Variants in PVT1 observed in about 807,000 individuals in gnomAD.
PVT1 encodes the protein CXCR4/PVT1 fusion.
chr8:127,903,773 C>T (rs1184323446), intron 3 of PVT1, among the ~76,000 whole-genome samples: 2 of 152,094 alleles, frequency 1.3e-5, no homozygotes, highest in South Asian at 2.1e-4. Context: ...TATTCTGTTC[C>T]GTTGGTCTGT....
chr8:127,798,148 C>CA (rs767736613), intron 2 of PVT1, among the ~76,000 whole-genome samples: 26 of 151,694 alleles, frequency 1.7e-4, no homozygotes, highest in Non-Finnish European at 2.8e-4. Context: ...ACTACAAATA[C>CA]AAAAAATTAG....
At chr8:127,905,830 C>T (rs190920129) in intron 3 of PVT1, among the ~76,000 whole-genome samples, 62 of 152,320 alleles carry the variant, frequency 4.1e-4, no homozygotes, top group Non-Finnish European at 8.8e-5. Flanking sequence ...TGCAAGAGTG[C>T]ACTGGCTTTC....
intron 5 of PVT1, among the ~76,000 whole-genome samples, chr8:128,073,961 G>T (rs1200006821): frequency 6.6e-6 from 1 of 152,080 alleles, no homozygotes; most frequent in Non-Finnish European, 1.5e-5. Flanking sequence ...GCCCTCCTGG[G>T]ATGGAAGGTG....
intron 4 of PVT1, among the ~76,000 whole-genome samples, chr8:128,038,947 A>T (rs1277481983): frequency 6.6e-6 from 1 of 152,130 alleles, no homozygotes; most frequent in Admixed American, 6.5e-5. Flanking sequence ...ATAACACAGA[A>T]GGGACCTTGC....
At chr8:128,021,365 C>G (rs948886120) in intron 4 of PVT1, among the ~76,000 whole-genome samples, 1 of 134,256 alleles carries the variant, frequency 7.4e-6, no homozygotes, top group Non-Finnish European at 1.5e-5. Flanking sequence ...GCAATCTTGG[C>G]TCACTGCAAG....
intron 3 of PVT1, among the ~76,000 whole-genome samples, chr8:127,980,320 C>T (rs1252208925): frequency 6.6e-6 from 1 of 152,132 alleles, no homozygotes; most frequent in Admixed American, 6.5e-5. Context: ...CTATTATGTT[C>T]CTATGACATG....
chr8:127,868,770 C>CATAT (rs869296227), intron 2 of PVT1, among the ~76,000 whole-genome samples: 1 of 504 alleles, frequency 2.0e-3, no homozygotes, highest in Non-Finnish European at 9.1e-3. Context: ...TTCCTTTTAA[C>CATAT]ATATATATAT....
chr8:127,819,725 G>C (rs1346771413), intron 2 of PVT1, among the ~76,000 whole-genome samples: 1 of 152,188 alleles, frequency 6.6e-6, no homozygotes, highest in Admixed American at 6.5e-5. Flanking sequence ...AAGGTTACCT[G>C]TGCCAGAGTT....
chr8:127,864,060 C>CT (rs1327169396), intron 2 of PVT1, among the ~76,000 whole-genome samples: 1 of 152,210 alleles, frequency 6.6e-6, no homozygotes, highest in Non-Finnish European at 1.5e-5. Flanking sequence ...TTTCCTGGGC[C>CT]TGCCATCCAA....
intron 3 of PVT1, among the ~76,000 whole-genome samples, chr8:127,930,595 T>G (rs1668583790): frequency 6.6e-6 from 1 of 152,128 alleles, no homozygotes; most frequent in South Asian, 2.1e-4. Flanking sequence ...AAAGATGGTG[T>G]GTGTGTGCAT....
At chr8:127,972,263 C>T (rs1332050930) in intron 3 of PVT1, among the ~76,000 whole-genome samples, 1 of 152,248 alleles carries the variant, frequency 6.6e-6, no homozygotes, top group Non-Finnish European at 1.5e-5. Context: ...TGGGGCAGGC[C>T]ACTCCAGCCG....
chr8:127,978,906 G>T (rs13270017), intron 3 of PVT1, among the ~76,000 whole-genome samples: 27,875 of 151,904 alleles, frequency 0.18, 3,631 homozygotes, highest in African/African-American at 0.37. Flanking sequence ...CCTTGCTAAT[G>T]TATTTACGTG....
Position 127,992,682 on chromosome 8 carries a change from C to T in PVT1, n.912+3391C>T, listed in dbSNP as rs17777212. Reference sequence around the variant, plus strand: ...GCTCCTGACCTGTCTAGCTCCTGACCCTCTCAGTGTCATTCTTGCTCACCC... The same window carrying T: ...GCTCCTGACCTGTCTAGCTCCTGACTCTCTCAGTGTCATTCTTGCTCACCC... On this transcript the variant is annotated intron_variant and non_coding_transcript_variant, in intron 4 of 10. Transcript: ENST00000651587. Among the ~76,000 whole-genome samples, 1,116 of 152,306 alleles carry T rather than the reference C, an allele frequency of 7.3e-3. 2 individuals carry two copies. The highest frequency in any genetic ancestry group is 0.012 in the Non-Finnish European group (809 of 68,020).
chr8:127,819,301 T>C (rs1335471582), intron 2 of PVT1, among the ~76,000 whole-genome samples: 2 of 152,228 alleles, frequency 1.3e-5, no homozygotes, highest in African/African-American at 4.8e-5. Context: ...TTGAATCCTC[T>C]TGGATCTTGC....
chr8:127,952,548 A>G (rs1230313349), intron 3 of PVT1, among the ~76,000 whole-genome samples: 1 of 151,954 alleles, frequency 6.6e-6, no homozygotes, highest in African/African-American at 2.4e-5. Flanking sequence ...AAGATCTGCC[A>G]TTTTTTTCTT....
intron 4 of PVT1, among the ~76,000 whole-genome samples, chr8:128,055,454 AT>A (rs1023205967): frequency 1.3e-5 from 2 of 152,236 alleles, no homozygotes; most frequent in African/African-American, 2.4e-5. Context: ...AAACAAGACA[AT>A]GAATGTAATG....
At chr8:128,021,896 G>A (rs1817443061) in intron 4 of PVT1, among the ~76,000 whole-genome samples, 1 of 152,104 alleles carries the variant, frequency 6.6e-6, no homozygotes, top group African/African-American at 2.4e-5. Context: ...GGGAGTGAGG[G>A]AGAGTGCAGG....
At chr8:127,817,232 C>T (rs2129672230) in intron 2 of PVT1, among the ~76,000 whole-genome samples, 1 of 151,758 alleles carries the variant, frequency 6.6e-6, no homozygotes, top group East Asian at 2.0e-4. Context: ...GAGCGCTGTT[C>T]TGGAATAGGA....
chr8:127,796,877 C>CTT lies in PVT1; in HGVS notation n.372+823_372+824dup, dbSNP rs34435526. 6.3e-3 allele frequency among the ~76,000 whole-genome samples: 763 copies of CTT among 121,052 alleles called. 29 individuals are homozygous for CTT. The highest frequency in any genetic ancestry group is 0.035 in the Admixed American group (391 of 11,044). 79.4% of individuals were successfully genotyped at this position (121,052 alleles called of 152,430 possible). On this transcript the variant is annotated intron_variant and non_coding_transcript_variant, in intron 2 of 10. Coordinates refer to ENST00000651587, the Ensembl canonical transcript of PVT1. ...AGATTCTTCTTTTTCTCTTGTTTTGCTTTTTTTTTTTTTTTTTTGAGACAG... is the reference window on the plus strand; with the variant it reads ...AGATTCTTCTTTTTCTCTTGTTTTGCTTTTTTTTTTTTTTTTTTTTGAGACAG...
Sources: allele counts gnomAD v4.1 joint callset (sites outside exome capture counted in the v4.1 genomes callset), GRCh38; gene constraint gnomAD v4.1.1; transcripts MANE v1.5; gene names NCBI Gene and HGNC (gene_info 2026-07-23, HGNC 2026-07-21).